Variants in ROBO1 observed in about 807,000 individuals in gnomAD.
The protein encoded by ROBO1 is roundabout homolog 1.
In ROBO1, 149 loss-of-function variants were observed where a neutral mutation model predicts 195.9. That is an observed-to-expected ratio of 0.76 (90% CI 0.67 to 0.87). The LOEUF is 0.87. Among genes scored for constraint, ROBO1 ranks in the 40% least tolerant of loss-of-function variants. The pLI, the probability that ROBO1 is intolerant of heterozygous loss-of-function variation, is 0.00. For synonymous variants in ROBO1, 816 were observed against 733.2 expected, an observed-to-expected ratio of 1.11 and a Z score of -1.82; for missense variants, 1,933 against 2,068.3, an observed-to-expected ratio of 0.93 and a Z score of 1.27.
intron 4 of ROBO1, among the ~76,000 whole-genome samples, chr3:78,868,131 G>A (rs1196627306): frequency 6.6e-6 from 1 of 152,116 alleles, no homozygotes; most frequent in African/African-American, 2.4e-5. Context: ...AATTACTACT[G>A]ACGTAAGGTA....
chr3:79,394,146 A>C (rs2037053186), intron 2 of ROBO1, among the ~76,000 whole-genome samples: 1 of 152,086 alleles, frequency 6.6e-6, no homozygotes. Context: ...AAGAAAAAAA[A>C]AGATTTTGAA....
rs1221164740 is a variant in ROBO1, at chr3:78,597,561, C to A, written c.*1352G>T. On this transcript the variant is annotated 3_prime_UTR_variant, in exon 31 of 31. Coordinates refer to ENST00000464233, the MANE Select transcript of ROBO1 (RefSeq NM_002941.4). ...GTACATTTTTTTCTTCAAATAGCAC[C>A]AATTATAAAATCAATGATATTCATA... 1 of 151,530 alleles carries A rather than the reference C, an allele frequency of 6.6e-6. No homozygotes were observed. Among genetic ancestry groups the A allele is most frequent in the African/African-American group, 2.4e-5 (1 of 40,836 alleles). The allele number at this position is 151,530 out of a possible 1,614,324, so 9.4% of individuals were successfully genotyped here. A position where few individuals can be genotyped will look rare whatever the true frequency, so the allele number is the denominator to read the frequency against.
intron 2 of ROBO1, among the ~76,000 whole-genome samples, chr3:79,585,272 T>C (rs374755139): frequency 6.6e-6 from 1 of 151,940 alleles, no homozygotes; most frequent in Non-Finnish European, 1.5e-5. Context: ...ACTTAATATC[T>C]GAATTAAGAT....
At chr3:79,616,509 A>G (rs1285307214) in intron 1 of ROBO1, among the ~76,000 whole-genome samples, 1 of 152,106 alleles carries the variant, frequency 6.6e-6, no homozygotes, top group Non-Finnish European at 1.5e-5. Context: ...ATCAAAGTGT[A>G]CTTTGGGACA....
chr3:79,579,773 A>G (rs1159925691), intron 2 of ROBO1, among the ~76,000 whole-genome samples: 1 of 152,178 alleles, frequency 6.6e-6, no homozygotes, highest in Non-Finnish European at 1.5e-5. Context: ...ATTAGAAAAG[A>G]AAAAGGCAAG....
chr3:79,361,713 C>T (rs182111763), intron 2 of ROBO1, among the ~76,000 whole-genome samples: 2 of 151,868 alleles, frequency 1.3e-5, no homozygotes, highest in East Asian at 1.9e-4. Flanking sequence ...TTATTGTGGC[C>T]GTAACAGATA....
At chr3:79,121,115 T>C in intron 3 of ROBO1, among the ~76,000 whole-genome samples, 1 of 152,130 alleles carries the variant, frequency 6.6e-6, no homozygotes, top group East Asian at 1.9e-4. Flanking sequence ...AATAGCACTG[T>C]CTTAGAGGGT....
rs1702886828 is a variant in ROBO1, at chr3:78,597,424, A to AATG, written c.*1486_*1488dup. ...CTATGGAACTTTTTCAAATTATCTA[A>AATG]ATGAACAAGTTTGGTTTTGGTGAAC... is the stretch of plus-strand genomic sequence containing the variant. On this transcript the variant is annotated 3_prime_UTR_variant, in exon 31 of 31. Coordinates refer to ENST00000464233, the MANE Select transcript of ROBO1 (RefSeq NM_002941.4). 1 of 152,536 alleles carries AATG rather than the reference A, an allele frequency of 6.6e-6. No individual in the cohort carries two copies. The highest frequency in any genetic ancestry group is 1.5e-5 in the Non-Finnish European group (1 of 67,984). The allele number at this position is 152,536 out of a possible 1,614,324, so 9.4% of individuals were successfully genotyped here. A position where few individuals can be genotyped will look rare whatever the true frequency, so the allele number is the denominator to read the frequency against.
intron 2 of ROBO1, among the ~76,000 whole-genome samples, chr3:79,566,866 A>G (rs888677407): frequency 1.3e-5 from 2 of 152,146 alleles, no homozygotes; most frequent in Non-Finnish European, 2.9e-5. Context: ...TGTGGAAGAC[A>G]GAGTGGCGAT....
intron 4 of ROBO1, among the ~76,000 whole-genome samples, chr3:78,847,568 G>A (rs1033832977): frequency 6.6e-6 from 1 of 152,142 alleles, no homozygotes; most frequent in African/African-American, 2.4e-5. Context: ...TCAGAAAAAT[G>A]TAAGACTTCC....
At chr3:78,965,890 C>T (rs920951894) in intron 3 of ROBO1, among the ~76,000 whole-genome samples, 3 of 152,180 alleles carry the variant, frequency 2.0e-5, no homozygotes, top group African/African-American at 7.2e-5. Context: ...AGCCACTAGT[C>T]ACAGGAGGCT....
intron 4 of ROBO1, among the ~76,000 whole-genome samples, chr3:78,869,743 G>A (rs2035437737): frequency 6.6e-6 from 1 of 152,032 alleles, no homozygotes; most frequent in Admixed American, 6.6e-5. Context: ...ACATACATGG[G>A]CCGCCACCCC....
At chr3:79,721,953 C>A (rs540422097) in intron 1 of ROBO1, among the ~76,000 whole-genome samples, 1 of 152,088 alleles carries the variant, frequency 6.6e-6, no homozygotes. Flanking sequence ...TGCCAGTTAA[C>A]GAGAATGATT....
chr3:79,151,422 A>G (rs972407551), intron 2 of ROBO1, among the ~76,000 whole-genome samples: 1 of 151,740 alleles, frequency 6.6e-6, no homozygotes, highest in Admixed American at 6.6e-5. Flanking sequence ...CTCAGCCAAC[A>G]AAATATACCA....
At chr3:79,620,047 G>T (rs939425088) in intron 1 of ROBO1, among the ~76,000 whole-genome samples, 3 of 152,186 alleles carry the variant, frequency 2.0e-5, no homozygotes, top group African/African-American at 7.2e-5. Flanking sequence ...AGATGCAATG[G>T]TTAGGCATTC....
At chr3:79,634,695 T>C (rs1315979448) in intron 1 of ROBO1, among the ~76,000 whole-genome samples, 1 of 152,148 alleles carries the variant, frequency 6.6e-6, no homozygotes, top group Non-Finnish European at 1.5e-5. Flanking sequence ...TTAAAATTCA[T>C]CATCATAAAT....
chr3:79,421,220 T>C (rs1361053639), intron 2 of ROBO1, among the ~76,000 whole-genome samples: 1 of 151,934 alleles, frequency 6.6e-6, no homozygotes, highest in Non-Finnish European at 1.5e-5. Flanking sequence ...GGGACCTAAT[T>C]GAGGTTGGAG....
At chr3:78,853,344 A>C (rs1287490618) in intron 4 of ROBO1, among the ~76,000 whole-genome samples, 1 of 151,868 alleles carries the variant, frequency 6.6e-6, no homozygotes, top group Non-Finnish European at 1.5e-5. Flanking sequence ...TAGAGAGAGA[A>C]AATATGTAAT....
chr3:79,176,136 C>A (rs2081258706), intron 2 of ROBO1, among the ~76,000 whole-genome samples: 1 of 152,092 alleles, frequency 6.6e-6, no homozygotes, highest in African/African-American at 2.4e-5. Flanking sequence ...GTCTTCCAGG[C>A]TATGGAGTGT....
Sources: gnomAD v4.1 joint callset for allele counts (sites outside exome capture counted in the v4.1 genomes callset) on GRCh38, gnomAD v4.1.1 for gene constraint, MANE v1.5 for transcripts, NCBI Gene and HGNC (gene_info 2026-07-23, HGNC 2026-07-21) for gene names.